DNAI7: variants seen among roughly 807,000 people sequenced by gnomAD.
The protein encoded by DNAI7 is cancer susceptibility 1.
In DNAI7, 78 loss-of-function variants were observed where a neutral mutation model predicts 86.6. That is an observed-to-expected ratio of 0.90 (90% CI 0.75 to 1.09). The LOEUF is 1.09. DNAI7 is among the 50% of genes least tolerant of loss of function. DNAI7 has a pLI of 0.00. For synonymous variants in DNAI7, 274 were observed against 273.0 expected, an observed-to-expected ratio of 1.00 and a Z score of -0.04; for missense variants, 753 against 810.2, an observed-to-expected ratio of 0.93 and a Z score of 0.86.
rs139094504 is a variant in DNAI7 at position 25,146,051 on chromosome 12, C to T, written c.689+950G>A. On this transcript the variant is annotated intron_variant, in intron 8 of 15. Transcript: ENST00000395987. ...CAGCCTGACTAACATGGAGAAACCA[C>T]GTCTCTACTAAAAATACAAAATTAG... is the stretch of plus-strand genomic sequence containing the variant. 4.1e-3 allele frequency among the ~76,000 whole-genome samples: 621 copies of T among 151,440 alleles called. 3 individuals are homozygous for T. The highest frequency in any genetic ancestry group is 0.013 in the African/African-American group (555 of 41,258).
chr12:25,157,277 C>CAAAAA (rs34695125), intron 4 of DNAI7, among the ~76,000 whole-genome samples: 17 of 88,996 alleles, frequency 1.9e-4, no homozygotes, highest in African/African-American at 5.5e-4. Flanking sequence ...GACTCCGTCT[C>CAAAAA]AAAAAAAAAA....
chr12:25,142,610 G>GT (rs1944346264), intron 9 of DNAI7, among the ~76,000 whole-genome samples: 1 of 152,126 alleles, frequency 6.6e-6, no homozygotes, highest in Non-Finnish European at 1.5e-5. Flanking sequence ...GTAAATGCAA[G>GT]TAATAGTTCA....
At chr12:25,166,761 T>C (rs1565787529) in intron 2 of DNAI7, among the ~76,000 whole-genome samples, 1 of 152,168 alleles carries the variant, frequency 6.6e-6, no homozygotes. Context: ...GACCTTACTG[T>C]TTTAGCCTAG....
chr12:25,190,606 C>A lies in DNAI7; in HGVS notation c.21+8G>T. 7.3e-7 allele frequency: 1 copy of A among 1,369,054 alleles called. No individual in the cohort carries two copies. Among genetic ancestry groups the A allele is most frequent in the Non-Finnish European group, 1.0e-6 (1 of 995,770 alleles). 84.8% of individuals were successfully genotyped at this position (1,369,054 alleles called of 1,614,324 possible). A position where few individuals can be genotyped will look rare whatever the true frequency, so the allele number is the denominator to read the frequency against. ...ACAACTATCTATTTTGAAAAAAATT[C>A]TACATACCTTTTTTGCTTTGGGACC... On this transcript the variant is annotated splice_region_variant and intron_variant, in intron 2 of 15. Coordinates refer to ENST00000395987, the MANE Select transcript of DNAI7 (RefSeq NM_018272.5).
intron 6 of DNAI7, 79 bp downstream of exon 6, chr12:25,154,240 T>G: frequency 3.3e-5 from 39 of 1,175,148 alleles, no homozygotes; most frequent in Non-Finnish European, 4.1e-5. Context: ...ACTTGGCAAA[T>G]GATATATTAA....
At chr12:25,138,065 C>T (rs1305666442) in intron 9 of DNAI7, among the ~76,000 whole-genome samples, 1 of 151,568 alleles carries the variant, frequency 6.6e-6, no homozygotes, top group Non-Finnish European at 1.5e-5. Context: ...ATTTACACAA[C>T]ACTCTACTCA....
rs12581106 is a variant in DNAI7, at chr12:25,129,773, T to A, written c.1003-6487A>T. 4.4e-3 allele frequency among the ~76,000 whole-genome samples: 676 copies of A among 152,102 alleles called. 5 individuals are homozygous for A. Among genetic ancestry groups the A allele is most frequent in the African/African-American group, 0.015 (628 of 41,470 alleles). Reference sequence around the variant, plus strand: ...TTATTTTTATTTTATTTTTATTTTTTTTTTTTGACATGGAGTTTCACTCTT... The same window carrying A: ...TTATTTTTATTTTATTTTTATTTTTATTTTTTGACATGGAGTTTCACTCTT... On this transcript the variant is annotated intron_variant, in intron 9 of 15. Transcript: ENST00000395987.
At position 25,108,433 on chromosome 12, in the gene DNAI7, A is replaced by G. The variant is rs1949400834; in HGVS notation, c.*115T>C. The G allele has an allele frequency of 1.1e-5, 10 of 927,252 alleles. No homozygotes were observed. The highest frequency in any genetic ancestry group is 1.5e-5 in the Non-Finnish European group (10 of 658,102). 57.4% of individuals were successfully genotyped at this position (927,252 alleles called of 1,614,324 possible). A position where few individuals can be genotyped will look rare whatever the true frequency, so the allele number is the denominator to read the frequency against. On this transcript the variant is annotated 3_prime_UTR_variant, in exon 16 of 16. Transcript: ENST00000395987. ...TTGAGTAGAAAATGCAGATTAGAAA[A>G]TTTTTAATAGTTGATTTGAAATGTA...
At chr12:25,192,523 A>G (rs1950616698) in intron 1 of DNAI7, among the ~76,000 whole-genome samples, 1 of 152,118 alleles carries the variant, frequency 6.6e-6, no homozygotes, top group Non-Finnish European at 1.5e-5. Flanking sequence ...GCTGAATTGT[A>G]TTGCTCAAAA....
chr12:25,154,445 G>T lies in DNAI7; in HGVS notation c.312C>A (p.Tyr104Ter). 6.2e-7 allele frequency: 1 copy of T among 1,608,642 alleles called. No individual in the cohort carries two copies. The highest frequency in any genetic ancestry group is 8.5e-7 in the Non-Finnish European group (1 of 1,178,808). ...ETKLLSQWKH[Y>*]IQCDGSPDPS... ...GATCAGGACTCCCATCACATTGAAT[G>T]TAGTGCTTCCACTGTGGAATAAAAA... is the stretch of plus-strand genomic sequence containing the variant. Residue 104 changes from tyrosine to a stop codon, truncating the protein, a stop_gained, in exon 6 of 16, where the codon TAC (tyrosine) becomes TAA (stop). Coordinates refer to ENST00000395987, the MANE Select transcript of DNAI7 (RefSeq NM_018272.5). LOFTEE classifies it high-confidence loss of function.
Position 25,114,685 on chromosome 12 carries a change from C to A in DNAI7, c.1582G>T (p.Val528Leu), listed in dbSNP as rs1029149626. Residue 528 changes from valine to leucine, a missense_variant, in exon 13 of 16, where the codon GTA (valine) becomes TTA (leucine). Physicochemically the swap from Val to Leu is conservative, Grantham distance 32. Coordinates refer to ENST00000395987, the MANE Select transcript of DNAI7 (RefSeq NM_018272.5). ...ATTTGTATTTGAATCTCAGTAAATA[C>A]TGTAGTCACAGTTAAAAGTACTTTA... is the stretch of plus-strand genomic sequence containing the variant. ...VNKVLLTVTT[V>L]FTEIQIQIKE... is the part of the protein sequence containing the mutation. 3.1e-6 allele frequency: 5 copies of A among 1,612,146 alleles called. No individual in the cohort carries two copies. The highest frequency in any genetic ancestry group is 3.3e-5 in the Admixed American group (2 of 59,996).
chr12:25,122,118 G>A (rs1941395066), intron 10 of DNAI7, among the ~76,000 whole-genome samples: 1 of 152,096 alleles, frequency 6.6e-6, no homozygotes, highest in African/African-American at 2.4e-5. Flanking sequence ...GTATAGGGGA[G>A]GACATAATTT....
chr12:25,182,372 C>T (rs2141292984), intron 2 of DNAI7, among the ~76,000 whole-genome samples: 1 of 148,956 alleles, frequency 6.7e-6, no homozygotes, highest in Admixed American at 6.7e-5. Context: ...AAAAAGACAC[C>T]TGTACTAGTA....
rs1233776479 is a variant in DNAI7 at position 25,144,378 on chromosome 12, A to G, written c.989T>C (p.Ile330Thr). The change falls in exon 9 of 16, where the codon ATT (isoleucine) becomes ACT (threonine). Residue 330 changes from isoleucine (I) to threonine (T), a missense_variant. By Grantham distance (89) the Ile-to-Thr change is moderately conservative. Coordinates refer to ENST00000395987, the MANE Select transcript of DNAI7 (RefSeq NM_018272.5). ...AATGTGTCCTACCATTTTCACTTCA[A>G]TATCACCTTGTTCCTCCTCAACTTT... ...EIKVEEEQGD[I>T]EVKMSSAEEE... The G allele has an allele frequency of 5.0e-6, 8 of 1,612,852 alleles. No homozygotes were observed. In the Admixed American group the frequency reaches 1.2e-4, roughly 24 times the overall value.
chr12:25,139,082 T>C (rs980879718), intron 9 of DNAI7, among the ~76,000 whole-genome samples: 24 of 152,174 alleles, frequency 1.6e-4, no homozygotes, highest in African/African-American at 5.8e-4. Flanking sequence ...TGAACACCTT[T>C]ATGCACACAA....
chr12:25,177,891 A>C (rs536704285), intron 2 of DNAI7, among the ~76,000 whole-genome samples: 15 of 152,152 alleles, frequency 9.9e-5, no homozygotes, highest in African/African-American at 3.6e-4. Flanking sequence ...GTAACCTATC[A>C]AATGGTAAAG....
chr12:25,114,758 A>G lies in DNAI7; in HGVS notation c.1509T>C (p.His503=). Residue 503 remains histidine, a synonymous_variant, in exon 13 of 16, where the codon CAT becomes CAC. Transcript: ENST00000395987. ...FGPVTLIQDA[H]INMPYQSWEL... is the part of the protein sequence containing the mutation. The stretch of plus-strand genomic sequence containing the variant: ...CCCATGACTGGTACGGCATGTTAAT[A>G]TGAGCATCTTGAATCAAGGTAACAG... 2 of 1,613,966 alleles carry G rather than the reference A, an allele frequency of 1.2e-6. No individual in the cohort carries two copies. The highest frequency in any genetic ancestry group is 1.7e-6 in the Non-Finnish European group (2 of 1,179,842).
At chr12:25,182,515 G>A (rs1949612587) in intron 2 of DNAI7, among the ~76,000 whole-genome samples, 1 of 151,848 alleles carries the variant, frequency 6.6e-6, no homozygotes, top group South Asian at 2.1e-4. Context: ...AGGCTGAGGT[G>A]GGAGGATTGC....
intron 9 of DNAI7, among the ~76,000 whole-genome samples, chr12:25,132,445 G>A (rs1943045426): frequency 1.3e-5 from 2 of 152,046 alleles, no homozygotes; most frequent in Admixed American, 1.3e-4. Context: ...ATAAATCTGT[G>A]TCATTTTAAA....
Sources: allele counts gnomAD v4.1 joint callset (sites outside exome capture counted in the v4.1 genomes callset), GRCh38; gene constraint gnomAD v4.1.1; transcripts MANE v1.5; gene names NCBI Gene and HGNC (gene_info 2026-07-23, HGNC 2026-07-21).